Variants in GALNT13 observed in about 807,000 individuals in gnomAD.
GALNT13 encodes the protein polypeptide N-acetylgalactosaminyltransferase 13.
GALNT13 carries 28 observed loss-of-function variants against 64.2 expected under a neutral mutation model. That is an observed-to-expected ratio of 0.44 (90% CI 0.32 to 0.60). The LOEUF (loss-of-function observed/expected upper bound fraction) is 0.60, where lower values mean the gene tolerates loss of function less well. Ranked by LOEUF, GALNT13 falls within the 20% of genes least tolerant of loss-of-function variation. The probability of loss-of-function intolerance (pLI) is 0.05; values close to 1 mark genes in which losing one functional copy is unlikely to be tolerated. For synonymous variants in GALNT13, 214 were observed against 224.6 expected (o/e 0.95, Z 0.42); for missense variants, 577 against 669.8 (o/e 0.86, Z 1.53).
chr2:153,401,107 G>T, the GALNT13 span, among the ~76,000 whole-genome samples: 1 of 152,090 alleles, frequency 6.6e-6, no homozygotes. Flanking sequence ...ATGTGTCCCA[G>T]AGATTCTGGT....
chr2:153,650,178 T>C, the GALNT13 span, among the ~76,000 whole-genome samples: 1 of 152,198 alleles, frequency 6.6e-6, no homozygotes, highest in African/African-American at 2.4e-5. Flanking sequence ...TTTAGGATAG[T>C]TAGCTCTTCT....
chr2:153,397,671 G>T, the GALNT13 span, among the ~76,000 whole-genome samples: 3 of 151,908 alleles, frequency 2.0e-5, no homozygotes, highest in Non-Finnish European at 4.4e-5. Context: ...TATCACCAAG[G>T]GGGAGGGTTC....
chr2:153,964,073 T>A (rs904505083), intron 3 of GALNT13, among the ~76,000 whole-genome samples: 1 of 152,194 alleles, frequency 6.6e-6, no homozygotes, highest in East Asian at 1.9e-4. Flanking sequence ...TTCCTTTTTT[T>A]TCCCCCCCAA....
chr2:153,206,567 G>T, the GALNT13 span, among the ~76,000 whole-genome samples: 1 of 152,000 alleles, frequency 6.6e-6, no homozygotes, highest in African/African-American at 2.4e-5. Flanking sequence ...TCATTTTGAA[G>T]GGTCATCCTG....
the GALNT13 span, among the ~76,000 whole-genome samples, chr2:153,495,766 GA>G: frequency 6.6e-6 from 1 of 152,212 alleles, no homozygotes; most frequent in African/African-American, 2.4e-5. Flanking sequence ...GGGAATCATG[GA>G]ATGCAAATGG....
the GALNT13 span, among the ~76,000 whole-genome samples, chr2:153,852,209 C>T: frequency 2.0e-5 from 3 of 152,062 alleles, no homozygotes; most frequent in East Asian, 5.8e-4. Context: ...ATGTAAATGT[C>T]CTGAATAATT....
chr2:153,668,339 A>G, the GALNT13 span, among the ~76,000 whole-genome samples: 5 of 152,188 alleles, frequency 3.3e-5, no homozygotes, highest in African/African-American at 1.2e-4. Flanking sequence ...ATACTCTAAA[A>G]TTGACCACAT....
At chr2:153,512,108 G>A in the GALNT13 span, among the ~76,000 whole-genome samples, 19 of 152,222 alleles carry the variant, frequency 1.2e-4, no homozygotes, top group South Asian at 3.1e-3. Flanking sequence ...GGAAGTCATG[G>A]AATTGGAAGG....
intron 3 of GALNT13, among the ~76,000 whole-genome samples, chr2:154,013,816 C>A (rs548763490): frequency 4.1e-4 from 62 of 152,204 alleles, no homozygotes; most frequent in African/African-American, 1.4e-3. Context: ...CGAGGTCGGT[C>A]GGCCCTTGCG....
chr2:154,174,261 AATACTGG>A (rs548425793), intron 4 of GALNT13, among the ~76,000 whole-genome samples: 1 of 152,254 alleles, frequency 6.6e-6, no homozygotes, highest in East Asian at 1.9e-4. Flanking sequence ...TGCTTAATCA[AATACTGG>A]TATTCCTGTT....
intron 9 of GALNT13, among the ~76,000 whole-genome samples, chr2:154,313,195 G>T (rs544104213): frequency 8.1e-5 from 12 of 147,774 alleles, no homozygotes; most frequent in African/African-American, 3.0e-4. Context: ...TAGCATATAT[G>T]TACACATATG....
At chr2:154,443,677 AC>A (rs1305226278) in intron 12 of GALNT13, among the ~76,000 whole-genome samples, 1 of 152,022 alleles carries the variant, frequency 6.6e-6, no homozygotes, top group Non-Finnish European at 1.5e-5. Context: ...TTATTTTGTC[AC>A]CAAAATTGTT....
chr2:153,086,443 C>T, the GALNT13 span, among the ~76,000 whole-genome samples: 21 of 152,130 alleles, frequency 1.4e-4, no homozygotes, highest in Admixed American at 3.9e-4. Flanking sequence ...ATAATTGAAT[C>T]GGGGGGCTGT....
At chr2:154,134,916 G>A (rs929960715) in intron 3 of GALNT13, among the ~76,000 whole-genome samples, 2 of 152,172 alleles carry the variant, frequency 1.3e-5, no homozygotes, top group South Asian at 4.1e-4. Flanking sequence ...AACCCAGGAG[G>A]TGGAGGTTGC....
chr2:154,233,903 A>T (rs1689060103), intron 4 of GALNT13, among the ~76,000 whole-genome samples: 1 of 152,154 alleles, frequency 6.6e-6, no homozygotes, highest in Non-Finnish European at 1.5e-5. Flanking sequence ...GCAAAGTATG[A>T]TCCTCTGGGT....
the GALNT13 span, among the ~76,000 whole-genome samples, chr2:153,457,638 T>A: frequency 6.6e-6 from 1 of 152,218 alleles, no homozygotes; most frequent in Non-Finnish European, 1.5e-5. Context: ...AAGGTAATTA[T>A]GTACTTAAAA....
the GALNT13 span, among the ~76,000 whole-genome samples, chr2:153,810,564 A>G: frequency 3.3e-5 from 5 of 152,202 alleles, no homozygotes; most frequent in Admixed American, 1.3e-4. Context: ...CTTTCAATTA[A>G]TACCAAATAG....
chr2:154,107,402 C>T (rs535326701), intron 3 of GALNT13, among the ~76,000 whole-genome samples: 22 of 151,766 alleles, frequency 1.4e-4, no homozygotes, highest in Non-Finnish European at 2.2e-4. Context: ...CCATCCTGGC[C>T]AACATGGTGA....
rs190449206 is a variant in GALNT13, at chr2:153,944,669, T to C, written c.142+30T>C. Reference sequence around the variant, plus strand: ...GTGCTTATGAAGCAAATACTGTCTTTATAGAGATGAGAAAAGTGGTGCCTT... The same window carrying C: ...GTGCTTATGAAGCAAATACTGTCTTCATAGAGATGAGAAAAGTGGTGCCTT... On this transcript the variant is annotated intron_variant, in intron 3 of 12. Transcript: ENST00000392825. 12,381 of 1,568,534 alleles carry C rather than the reference T, an allele frequency of 7.9e-3. 69 individuals are homozygous for C. The highest frequency in any genetic ancestry group is 0.014 in the Middle Eastern group (84 of 5,866).
Sources: allele counts gnomAD v4.1 joint callset (sites outside exome capture counted in the v4.1 genomes callset), GRCh38; gene constraint gnomAD v4.1.1; transcripts MANE v1.5; gene names NCBI Gene and HGNC (gene_info 2026-07-23, HGNC 2026-07-21).